STRBP: variants seen among roughly 807,000 people sequenced by gnomAD.
STRBP encodes the protein spermatid perinuclear RNA-binding protein.
In STRBP, 13 loss-of-function variants were observed where a neutral mutation model predicts 80.1. The observed-to-expected ratio is 0.16, with a 90% CI of 0.11 to 0.26. The LOEUF is 0.26. STRBP is among the 10% of genes least tolerant of loss of function. STRBP has a pLI of 1.00. For synonymous variants in STRBP, 284 were observed against 291.2 expected, an observed-to-expected ratio of 0.98 and a Z score of 0.25; for missense variants, 485 against 815.2, an observed-to-expected ratio of 0.59 and a Z score of 4.93.
chr9:123,185,596 T>A (rs2038665195), intron 2 of STRBP, among the ~76,000 whole-genome samples: 1 of 152,116 alleles, frequency 6.6e-6, no homozygotes, highest in African/African-American at 2.4e-5. Context: ...AGTAACATAA[T>A]ACTAAATACA....
At chr9:123,251,233 AAGAAGAAGAAGAAGGAGAAGG>A (rs1178726321) in intron 1 of STRBP, among the ~76,000 whole-genome samples, 4 of 150,794 alleles carry the variant, frequency 2.7e-5, no homozygotes, top group African/African-American at 9.7e-5. Flanking sequence ...CCCTCTCTCA[AAGAAGAAGAAGAAGGAGAAGG>A]AGAAGAAAAA....
At chr9:123,112,741 G>C (rs1346642116) in intron 3 of STRBP, 3 of 167,186 alleles carry the variant, frequency 1.8e-5, no homozygotes, top group Non-Finnish European at 4.4e-5. Context: ...GCAGCCTCTG[G>C]AGACGAGAGG....
chr9:123,171,870 T>C (rs1410553865), intron 5 of STRBP, among the ~76,000 whole-genome samples: 7 of 152,196 alleles, frequency 4.6e-5, no homozygotes, highest in Admixed American at 2.0e-4. Context: ...TTGAGATGGT[T>C]TGTATACCCT....
Position 123,147,062 on chromosome 9 carries a change from AG to A in STRBP, c.1139-9del. ...TTGCTTTACTATCCAGAACTGTTAA[AG>A]AAAGAGGAATGAGGTCAGAAATTAA... On this transcript the variant is annotated splice_polypyrimidine_tract_variant and intron_variant, in intron 12 of 18. Transcript: ENST00000348403. 1.9e-6 allele frequency: 3 copies of A among 1,607,854 alleles called. No homozygotes were observed. The highest frequency in any genetic ancestry group is 2.6e-6 in the Non-Finnish European group (3 of 1,175,682).
At chr9:123,162,330 T>A (rs181226342) in intron 6 of STRBP, among the ~76,000 whole-genome samples, 134 of 151,926 alleles carry the variant, frequency 8.8e-4, no homozygotes, top group African/African-American at 2.9e-3. Context: ...GCTCAAGCGA[T>A]CCTCCCACCT....
At chr9:123,128,825 C>G (rs1467758918) in intron 17 of STRBP, among the ~76,000 whole-genome samples, 2 of 152,312 alleles carry the variant, frequency 1.3e-5, no homozygotes, top group Non-Finnish European at 2.9e-5. Flanking sequence ...AGGGCAAGGT[C>G]TATGACTTGC....
In STRBP at chr9:123,179,123, A is replaced by G. The variant is rs761235624; in HGVS notation, c.108T>C (p.Ser36=). 1.9e-6 allele frequency: 3 copies of G among 1,614,158 alleles called. No homozygotes were observed. Among genetic ancestry groups the G allele is most frequent in the Admixed American group, 1.7e-5 (1 of 60,028 alleles). ...EELEAVQNMV[S]TVECALKHVS... ...CATGTTTAAGAGCACATTCAACAGT[A>G]GATACCATATTCTGAACAGCTTCAA... is the stretch of plus-strand genomic sequence containing the variant. Residue 36 remains serine, a synonymous_variant, in exon 4 of 19, where the codon TCT becomes TCC. Coordinates refer to ENST00000348403, the MANE Select transcript of STRBP (RefSeq NM_018387.5).
At chr9:123,159,248 G>A (rs1198511697) in intron 8 of STRBP, 41 bp from the exon 9 acceptor site, 6 of 1,399,030 alleles carry the variant, frequency 4.3e-6, no homozygotes, top group African/African-American at 1.4e-5. Context: ...TGCACCAAGT[G>A]TTAAAAGGAT....
chr9:123,229,218 G>C (rs781419005), intron 2 of STRBP, among the ~76,000 whole-genome samples: 64 of 152,188 alleles, frequency 4.2e-4, no homozygotes, highest in Non-Finnish European at 8.5e-4. Context: ...GGGGTACAGA[G>C]TTTCTTTTTC....
At chr9:123,238,700 G>A (rs886655323) in intron 1 of STRBP, among the ~76,000 whole-genome samples, 2 of 152,096 alleles carry the variant, frequency 1.3e-5, no homozygotes, top group African/African-American at 4.8e-5. Flanking sequence ...AAGATGAGAA[G>A]GGAGACTACC....
intron 11 of STRBP, among the ~76,000 whole-genome samples, chr9:123,148,545 A>G (rs1276472542): frequency 1.3e-5 from 2 of 152,220 alleles, no homozygotes; most frequent in African/African-American, 2.4e-5. Context: ...GGTAGGATTT[A>G]TTTTTACTTA....
chr9:123,217,522 G>T (rs1023804797), intron 2 of STRBP, among the ~76,000 whole-genome samples: 3 of 152,150 alleles, frequency 2.0e-5, no homozygotes, highest in Admixed American at 6.5e-5. Context: ...CAGAAGATCT[G>T]AAATACAACC....
At chr9:123,172,320 A>G (rs2038046106) in intron 5 of STRBP, among the ~76,000 whole-genome samples, 1 of 152,232 alleles carries the variant, frequency 6.6e-6, no homozygotes, top group African/African-American at 2.4e-5. Context: ...ATTAAATGCT[A>G]AAACAAAATA....
chr9:123,264,985 C>T (rs2041238167), intron 1 of STRBP, among the ~76,000 whole-genome samples: 1 of 152,058 alleles, frequency 6.6e-6, no homozygotes, highest in African/African-American at 2.4e-5. Context: ...AATTCTCTGC[C>T]AAAAAGCAAA....
Position 123,147,031 on chromosome 9 carries a change from G to C in STRBP, c.1162C>G (p.Leu388Val). The stretch of plus-strand genomic sequence containing the variant: ...TTTAGCCTCATTAGTGCATTCATAA[G>C]GTCTATTGCTTTACTATCCAGAACT... The part of the protein sequence containing the change: ...RKILDSKAID[L>V]MNALMRLNQI... The change falls in exon 13 of 19, where the codon CTT becomes GTT. Residue 388 changes from leucine (L) to valine (V), a missense_variant. Coordinates refer to ENST00000348403, the MANE Select transcript of STRBP (RefSeq NM_018387.5). 3.7e-6 allele frequency: 6 copies of C among 1,613,826 alleles called. No homozygotes were observed. Among genetic ancestry groups the C allele is most frequent in the Non-Finnish European group, 5.1e-6 (6 of 1,179,866 alleles).
chr9:123,183,437 TAA>T (rs34673681), intron 3 of STRBP, among the ~76,000 whole-genome samples: 1 of 141,392 alleles, frequency 7.1e-6, no homozygotes, highest in Non-Finnish European at 1.6e-5. Context: ...ACTCCGTCTT[TAA>T]AAAAAAAAAA....
intron 2 of STRBP, among the ~76,000 whole-genome samples, chr9:123,193,930 C>T (rs1212031137): frequency 6.6e-6 from 1 of 152,118 alleles, no homozygotes; most frequent in East Asian, 1.9e-4. Context: ...TTTTTCATGA[C>T]CATTAGCCTC....
intron 2 of STRBP, among the ~76,000 whole-genome samples, chr9:123,188,029 T>C (rs1284990364): frequency 1.3e-5 from 2 of 152,036 alleles, no homozygotes; most frequent in African/African-American, 2.4e-5. Flanking sequence ...CCTTCCCACC[T>C]TCCCCACCCC....
At chr9:123,150,459 C>T (rs1487444066) in intron 11 of STRBP, among the ~76,000 whole-genome samples, 4 of 152,028 alleles carry the variant, frequency 2.6e-5, no homozygotes, top group Admixed American at 6.6e-5. Flanking sequence ...CCCAGCTACT[C>T]AGAAGGCTGA....
Sources: allele counts gnomAD v4.1 joint callset (sites outside exome capture counted in the v4.1 genomes callset), GRCh38; gene constraint gnomAD v4.1.1; transcripts MANE v1.5; gene names NCBI Gene and HGNC (gene_info 2026-07-23, HGNC 2026-07-21).